Variants in PRKG1 observed in about 807,000 individuals in gnomAD.
PRKG1 encodes protein kinase cGMP-dependent 1, also known as cGMP-dependent protein kinase 1.
PRKG1 carries 35 observed loss-of-function variants against 88.1 expected under a neutral mutation model. That is an observed-to-expected ratio of 0.40 (90% CI 0.30 to 0.53). PRKG1 has a LOEUF of 0.53. Ranked by LOEUF, PRKG1 falls within the 20% of genes least tolerant of loss-of-function variation. PRKG1 has a pLI of 0.59. For missense variants in PRKG1, 540 were observed against 839.8 expected (o/e 0.64, Z 4.41); for synonymous variants, 303 against 292.5 (o/e 1.04, Z -0.37).
At chr10:51,022,903 A>T (rs1843159366) in intron 1 of PRKG1, among the ~76,000 whole-genome samples, 1 of 152,206 alleles carries the variant, frequency 6.6e-6, no homozygotes, top group Non-Finnish European at 1.5e-5. Flanking sequence ...AGGCTGAGGC[A>T]GGAGAATCGC....
chr10:51,636,185 T>C (rs1033098719), intron 3 of PRKG1, among the ~76,000 whole-genome samples: 8 of 152,202 alleles, frequency 5.3e-5, no homozygotes, highest in African/African-American at 1.9e-4. Context: ...ATATCCGCTT[T>C]TTATGCCTCA....
chr10:52,187,097 C>CA (rs201020170), intron 9 of PRKG1, among the ~76,000 whole-genome samples: 11 of 151,682 alleles, frequency 7.3e-5, no homozygotes, highest in Admixed American at 2.6e-4. Flanking sequence ...TTTACTACTT[C>CA]AAAAAAAATC....
At position 51,824,165 on chromosome 10, in the gene PRKG1, C is replaced by T. The variant is rs542326813; in HGVS notation, c.698+19475C>T. ...CTAGGACTATAGGCGAGGGCCACCACTCCTGGCCTATTATCAAGGATTTGT... is the reference window on the plus strand; with the variant it reads ...CTAGGACTATAGGCGAGGGCCACCATTCCTGGCCTATTATCAAGGATTTGT... On this transcript the variant is annotated intron_variant, in intron 4 of 17. Transcript: ENST00000373980. Among the ~76,000 whole-genome samples, 7 of 152,228 alleles carry T rather than the reference C, an allele frequency of 4.6e-5. No homozygotes were observed. In the South Asian group the frequency reaches 1.2e-3, roughly 27 times the overall value.
At chr10:52,269,692 C>T (rs1841666918) in intron 10 of PRKG1, among the ~76,000 whole-genome samples, 1 of 152,088 alleles carries the variant, frequency 6.6e-6, no homozygotes, top group South Asian at 2.1e-4. Flanking sequence ...ACATTACTCC[C>T]AAATAATATG....
intron 2 of PRKG1, among the ~76,000 whole-genome samples, chr10:51,195,227 T>A (rs1180377555): frequency 1.3e-5 from 2 of 152,356 alleles, no homozygotes; most frequent in South Asian, 4.1e-4. Flanking sequence ...GATGAGGACA[T>A]CTTATTCATC....
At position 51,985,977 on chromosome 10, in the gene PRKG1, T is replaced by A. The variant is rs550386412; in HGVS notation, c.763-68507T>A. On this transcript the variant is annotated intron_variant, in intron 5 of 17. Transcript: ENST00000373980. Reference sequence around the variant, plus strand: ...CATGCTCAGAACGCTTAACATTAGTTTATAGTTAGGCAAAAGCATTTGGCA... The same window carrying A: ...CATGCTCAGAACGCTTAACATTAGTATATAGTTAGGCAAAAGCATTTGGCA... Among the ~76,000 whole-genome samples the A allele has an allele frequency of 3.3e-5, 5 of 152,276 alleles. No individual in the cohort carries two copies. The East Asian group carries it at 9.7e-4, about 29-fold the overall frequency.
chr10:51,201,352 C>G lies in PRKG1; in HGVS notation c.478+48022C>G, dbSNP rs145766526. 2.0e-5 allele frequency among the ~76,000 whole-genome samples: 3 copies of G among 151,750 alleles called. No homozygotes were observed. The East Asian group carries it at 5.8e-4, about 29-fold the overall frequency. ...CTGTAATCCCAGCTACTCAGGGGGC[C>G]GAGGCAGGAGAATCACTTGAACCTG... On this transcript the variant is annotated intron_variant, in intron 2 of 17. Coordinates refer to ENST00000373980, the MANE Select transcript of PRKG1 (RefSeq NM_006258.4).
intron 2 of PRKG1, among the ~76,000 whole-genome samples, chr10:51,464,885 C>T (rs1429610514): frequency 9.0e-5 from 9 of 100,182 alleles, no homozygotes; most frequent in East Asian, 3.1e-4. Flanking sequence ...AGCGAGACTC[C>T]GTCTCAAAAA....
chr10:51,748,736 T>G lies in PRKG1; in HGVS notation c.593-55849T>G, dbSNP rs918436554. On this transcript the variant is annotated intron_variant, in intron 3 of 17. Transcript: ENST00000373980. ...ACTTTATTTCATGCTATTATCTAGA[T>G]AGCTGAAATATATTTGAGGTATCTT... Among the ~76,000 whole-genome samples the G allele has an allele frequency of 4.3e-4, 65 of 152,234 alleles. 1 individual carries two copies. The highest frequency in any genetic ancestry group is 1.5e-3 in the African/African-American group (63 of 41,458).
chr10:52,025,209 G>A (rs1233503674), intron 5 of PRKG1, among the ~76,000 whole-genome samples: 2 of 152,078 alleles, frequency 1.3e-5, no homozygotes, highest in African/African-American at 4.8e-5. Flanking sequence ...TAAGTTCTTT[G>A]TAGATTCTGG....
chr10:52,231,915 G>A (rs1184293294), intron 9 of PRKG1, among the ~76,000 whole-genome samples: 1 of 152,164 alleles, frequency 6.6e-6, no homozygotes, highest in Non-Finnish European at 1.5e-5. Context: ...TTCATGCATA[G>A]GATGGAACAA....
intron 3 of PRKG1, among the ~76,000 whole-genome samples, chr10:51,472,352 A>T (rs1840069063): frequency 1.3e-5 from 2 of 151,934 alleles, no homozygotes; most frequent in African/African-American, 2.4e-5. Flanking sequence ...ACTGTCGAAA[A>T]CCTAAATGAT....
At chr10:51,021,453 G>T (rs1290758487) in intron 1 of PRKG1, among the ~76,000 whole-genome samples, 1 of 152,072 alleles carries the variant, frequency 6.6e-6, no homozygotes, top group Non-Finnish European at 1.5e-5. Flanking sequence ...TTTCCTATTT[G>T]ATTATTCAGT....
At chr10:52,187,415 A>C (rs987551063) in intron 9 of PRKG1, among the ~76,000 whole-genome samples, 1 of 152,208 alleles carries the variant, frequency 6.6e-6, no homozygotes, top group African/African-American at 2.4e-5. Context: ...GGTAAAAAAA[A>C]AATTTATAAT....
intron 4 of PRKG1, among the ~76,000 whole-genome samples, chr10:51,842,105 G>A (rs1355905286): frequency 2.0e-5 from 3 of 152,152 alleles, no homozygotes; most frequent in Admixed American, 6.5e-5. Context: ...GGATTCCCTC[G>A]CTGGCTAAGT....
At chr10:51,656,395 C>T (rs941596004) in intron 3 of PRKG1, among the ~76,000 whole-genome samples, 4 of 152,070 alleles carry the variant, frequency 2.6e-5, no homozygotes, top group African/African-American at 9.7e-5. Context: ...ATGTGCACAT[C>T]AATTCATTCA....
intron 17 of PRKG1, 88 bp downstream of exon 17, chr10:52,290,378 T>G: frequency 8.8e-7 from 1 of 1,141,914 alleles, no homozygotes; most frequent in Non-Finnish European, 1.2e-6. Flanking sequence ...TAAAGTTTAA[T>G]CCTATGATTA....
At chr10:51,827,068 T>C (rs926255243) in intron 4 of PRKG1, among the ~76,000 whole-genome samples, 1 of 152,178 alleles carries the variant, frequency 6.6e-6, no homozygotes, top group East Asian at 1.9e-4. Flanking sequence ...AACTTGCTTA[T>C]AAACATTAAG....
At chr10:51,364,109 T>C (rs148792926) in intron 2 of PRKG1, among the ~76,000 whole-genome samples, 3 of 152,092 alleles carry the variant, frequency 2.0e-5, no homozygotes, top group African/African-American at 4.8e-5. Flanking sequence ...TTAAAGTCAC[T>C]GCAGTTTTTT....
Sources: allele counts gnomAD v4.1 joint callset (sites outside exome capture counted in the v4.1 genomes callset), GRCh38; gene constraint gnomAD v4.1.1; transcripts MANE v1.5; gene names NCBI Gene and HGNC (gene_info 2026-07-23, HGNC 2026-07-21).